PPIH: variants seen among roughly 807,000 people sequenced by gnomAD.
PPIH encodes peptidylprolyl isomerase H.
A neutral mutation model predicts 27.6 loss-of-function variants in PPIH; 16 were observed. That is an observed-to-expected ratio of 0.58 (90% CI 0.39 to 0.88). The LOEUF is 0.88. Among genes scored for constraint, PPIH ranks in the 40% least tolerant of loss-of-function variants. The pLI is 0.00. For synonymous variants in PPIH, 63 were observed against 76.1 expected (o/e 0.83, Z 0.90); for missense variants, 155 against 224.1 (o/e 0.69, Z 1.97).
downstream of PPIH, chr1:42,681,355 C>G (rs1271953891): frequency 3.9e-5 from 6 of 152,214 alleles, no homozygotes; most frequent in Admixed American, 3.9e-4. Flanking sequence ...TCCCTGCTTC[C>G]ACTCCCAAAA....
At chr1:42,666,188 A>G (rs2148716731) in intron 7 of PPIH, 121 bp downstream of exon 7, 1 of 916,706 alleles carries the variant, frequency 1.1e-6, no homozygotes, top group Middle Eastern at 3.1e-4. Flanking sequence ...AGGTGGTAAT[A>G]GAGAAAACAG....
At chr1:42,662,387 AG>A (rs1649086124) in intron 5 of PPIH, among the ~76,000 whole-genome samples, 1 of 152,114 alleles carries the variant, frequency 6.6e-6, no homozygotes, top group African/African-American at 2.4e-5. Context: ...AAATAAGAAA[AG>A]TTATTTTTTA....
intron 9 of PPIH, 59 bp downstream of exon 9, chr1:42,667,499 C>A: frequency 7.1e-7 from 1 of 1,404,706 alleles, no homozygotes; most frequent in Non-Finnish European, 9.9e-7. Context: ...GCAGCATGGT[C>A]TAGTGGAAAG....
intron 6 of PPIH, among the ~76,000 whole-genome samples, chr1:42,665,675 T>C (rs1248622231): frequency 1.3e-5 from 2 of 150,478 alleles, no homozygotes; most frequent in African/African-American, 4.9e-5. Context: ...TGAGACTTAG[T>C]CTCTACTTAA....
At chr1:42,672,549 A>C (rs995057581) in intron 9 of PPIH, among the ~76,000 whole-genome samples, 1 of 152,192 alleles carries the variant, frequency 6.6e-6, no homozygotes, top group Non-Finnish European at 1.5e-5. Context: ...GGGTCACTTG[A>C]TCAATTCTAC....
downstream of PPIH, among the ~76,000 whole-genome samples, chr1:42,677,566 C>T (rs115508512): frequency 0.013 from 1,979 of 152,322 alleles, 46 homozygotes; most frequent in African/African-American, 0.045. Context: ...CACAGCTACT[C>T]AGAAGCCTGA....
chr1:42,667,239 T>C, intron 8 of PPIH, 112 bp from the exon 9 acceptor site: 1 of 874,472 alleles, frequency 1.1e-6, no homozygotes, highest in Middle Eastern at 2.4e-4. Flanking sequence ...GGACATGGAC[T>C]GTTTCTGAGT....
At chr1:42,680,610 T>C (rs1414944364), downstream of PPIH, among the ~76,000 whole-genome samples, 1 of 152,122 alleles carries the variant, frequency 6.6e-6, no homozygotes, top group Non-Finnish European at 1.5e-5. Context: ...TTTCTGGCTG[T>C]TGTGGTGGGT....
chr1:42,674,599 C>T (rs1163831301), intron 9 of PPIH, among the ~76,000 whole-genome samples: 1 of 152,108 alleles, frequency 6.6e-6, no homozygotes, highest in Admixed American at 6.6e-5. Context: ...AAGAATCAGG[C>T]CAATATGAAC....
At chr1:42,681,181 C>T (rs983710008), downstream of PPIH, 1 of 152,196 alleles carries the variant, frequency 6.6e-6, no homozygotes, top group African/African-American at 2.4e-5. Flanking sequence ...GCTCTTCTCA[C>T]TCTTCCCCTC....
rs756951775 is a variant in PPIH at position 42,658,545 on chromosome 1, G to A, written c.66+33G>A. 5.0e-6 allele frequency: 8 copies of A among 1,595,582 alleles called. No individual in the cohort carries two copies. In the African/African-American group the frequency reaches 8.1e-5, roughly 16 times the overall value. ...CCAGGAGGCTGCCCACACCTGCGCC[G>A]AAGGGAAACTGCTCGGGGCTAGGCA... On this transcript the variant is annotated intron_variant, in intron 1 of 9. Coordinates refer to ENST00000304979, the MANE Select transcript of PPIH (RefSeq NM_006347.4).
intron 9 of PPIH, among the ~76,000 whole-genome samples, chr1:42,668,146 A>C (rs112326211): frequency 7.2e-5 from 11 of 152,302 alleles, no homozygotes; most frequent in African/African-American, 2.6e-4. Context: ...CATCACTTCC[A>C]GCCAGGTGAG....
At chr1:42,666,388 T>C (rs137959138) in intron 7 of PPIH, among the ~76,000 whole-genome samples, 159 bp from the exon 8 acceptor site, 87 of 152,314 alleles carry the variant, frequency 5.7e-4, no homozygotes, top group Non-Finnish European at 1.0e-3. Flanking sequence ...TAACTCTACT[T>C]ATTACCTATG....
chr1:42,659,678 A>T (rs1648895635), intron 4 of PPIH, 112 bp downstream of exon 4: 1 of 1,474,794 alleles, frequency 6.8e-7, no homozygotes, highest in Non-Finnish European at 9.0e-7. Context: ...TTGAGAAGAA[A>T]TGTTTTTGTG....
chr1:42,662,816 C>T (rs184457147), intron 5 of PPIH, among the ~76,000 whole-genome samples: 41 of 152,258 alleles, frequency 2.7e-4, no homozygotes, highest in Non-Finnish European at 2.4e-4. Context: ...GTCAGTCTTA[C>T]CTTAGTATGT....
rs1040520767 is a variant in PPIH at position 42,659,267 on chromosome 1, G to A, written c.155+16G>A. 1 of 1,614,196 alleles carries A rather than the reference G, an allele frequency of 6.2e-7. No homozygotes were observed. The highest frequency in any genetic ancestry group is 1.6e-4 in the Middle Eastern group (1 of 6,062). On this transcript the variant is annotated intron_variant, in intron 3 of 9. Coordinates refer to ENST00000304979, the MANE Select transcript of PPIH (RefSeq NM_006347.4). ...GAGAATTCAGGTCAGTTTCAGATGT[G>A]TTTGACTTCTTTGCCTGCTCCAGAG...
In PPIH at chr1:42,658,758, T is replaced by C. The variant is rs927744706; in HGVS notation, c.67-86T>C. On this transcript the variant is annotated intron_variant, in intron 1 of 9. Transcript: ENST00000304979. ...AGGTGGGAGATACCGAGCGGCAGGG[T>C]GGTGGGTCAGCCCATCATGCCCCCT... 15 of 1,437,702 alleles carry C rather than the reference T, an allele frequency of 1.0e-5. No individual in the cohort carries two copies. The South Asian group carries it at 1.6e-4, about 16-fold the overall frequency. The allele number at this position is 1,437,702 out of a possible 1,614,324, so 89.1% of individuals were successfully genotyped here.
chr1:42,676,292 A>AC (rs373373480), intron 9 of PPIH, among the ~76,000 whole-genome samples: 30 of 151,932 alleles, frequency 2.0e-4, no homozygotes, highest in African/African-American at 4.8e-4. Flanking sequence ...ATATGGTGAG[A>AC]CCCCATCTCT....
downstream of PPIH, among the ~76,000 whole-genome samples, chr1:42,680,058 AGT>A (rs1649982039): frequency 6.6e-6 from 1 of 152,260 alleles, no homozygotes; most frequent in South Asian, 2.1e-4. Context: ...AGAGCAATAC[AGT>A]GTGTTAAGAT....
Sources: allele counts gnomAD v4.1 joint callset (sites outside exome capture counted in the v4.1 genomes callset), GRCh38; gene constraint gnomAD v4.1.1; transcripts MANE v1.5; gene names NCBI Gene and HGNC (gene_info 2026-07-23, HGNC 2026-07-21).